EPS15L1: variants seen among roughly 807,000 people sequenced by gnomAD.
EPS15L1 encodes epidermal growth factor receptor substrate 15-like 1.
Under a neutral mutation model 117.1 loss-of-function variants are expected in EPS15L1, and 43 were observed. The ratio of observed to expected loss-of-function variants is 0.37; its 90% CI spans 0.29 to 0.47. The LOEUF (loss-of-function observed/expected upper bound fraction) is 0.47, where lower values mean the gene tolerates loss of function less well. Ranked by LOEUF, EPS15L1 falls within the 20% of genes least tolerant of loss-of-function variation. EPS15L1 has a pLI of 0.99. For synonymous variants in EPS15L1, 459 were observed against 470.5 expected (o/e 0.98, Z 0.32); for missense variants, 981 against 1,164.0 (o/e 0.84, Z 2.29).
At chr19:16,430,722 T>C (rs1270826939) in intron 7 of EPS15L1, among the ~76,000 whole-genome samples, 1 of 152,220 alleles carries the variant, frequency 6.6e-6, no homozygotes, top group South Asian at 2.1e-4. Context: ...AGATGCACGA[T>C]GTGTGAGTGC....
chr19:16,425,824 A>T (rs886430269), intron 8 of EPS15L1, among the ~76,000 whole-genome samples: 3 of 152,104 alleles, frequency 2.0e-5, no homozygotes, highest in African/African-American at 7.2e-5. Flanking sequence ...AAACAAAACA[A>T]AACAAAAAAC....
chr19:16,362,905 G>A, intron 22 of EPS15L1, among the ~76,000 whole-genome samples: 1 of 152,148 alleles, frequency 6.6e-6, no homozygotes, highest in Non-Finnish European at 1.5e-5. Flanking sequence ...TGCCAAGCAG[G>A]GAACTCCAGG....
chr19:16,388,096 G>A (rs777489974), intron 19 of EPS15L1, among the ~76,000 whole-genome samples: 7 of 152,148 alleles, frequency 4.6e-5, no homozygotes, highest in Non-Finnish European at 7.3e-5. Flanking sequence ...AGGCTGGAGC[G>A]CAGTGGTGCA....
intron 21 of EPS15L1, 74 bp from the exon 22 acceptor site, chr19:16,377,328 G>A (rs1350350752): frequency 5.8e-6 from 9 of 1,559,232 alleles, no homozygotes; most frequent in African/African-American, 5.5e-5. Context: ...CTGAACAGAC[G>A]CTCATGCTCC....
rs565136849 is a variant in EPS15L1 at position 16,413,670 on chromosome 19, C to A, written c.1266+103G>T. 3 of 961,288 alleles carry A rather than the reference C, an allele frequency of 3.1e-6. No homozygotes were observed. The African/African-American group carries it at 5.0e-5, about 16-fold the overall frequency. The allele number at this position is 961,288 out of a possible 1,614,324, so 59.5% of individuals were successfully genotyped here. On this transcript the variant is annotated intron_variant, in intron 13 of 23. Transcript: ENST00000455140. ...GCCCCCAAGAGCTCATGTTTCCATCCAGGGCAGACCCCTGCCCTTCCCCAC... is the reference window on the plus strand; with the variant it reads ...GCCCCCAAGAGCTCATGTTTCCATCAAGGGCAGACCCCTGCCCTTCCCCAC...
Position 16,458,135 on chromosome 19 carries a change from G to A in EPS15L1, c.33+13778C>T, listed in dbSNP as rs1480996460. Among the ~76,000 whole-genome samples, 8 of 152,248 alleles carry A rather than the reference G, an allele frequency of 5.3e-5. No individual in the cohort carries two copies. The East Asian group carries it at 1.4e-3, about 26-fold the overall frequency. On this transcript the variant is annotated intron_variant, in intron 1 of 23. Transcript: ENST00000455140. The stretch of plus-strand genomic sequence containing the variant: ...GTCGGGGTGTTCCTGACAGTGGGGG[G>A]TGGCTCCCTGCCAAGGACGCCAAGA...
chr19:16,418,241 C>G, intron 10 of EPS15L1, 137 bp from the exon 11 acceptor site: 1 of 911,144 alleles, frequency 1.1e-6, no homozygotes, highest in South Asian at 1.7e-5. Flanking sequence ...CCAGCTCCTT[C>G]CCTACTTCAC....
chr19:16,465,673 G>C (rs1194367160), intron 1 of EPS15L1, among the ~76,000 whole-genome samples: 1 of 152,092 alleles, frequency 6.6e-6, no homozygotes, highest in Non-Finnish European at 1.5e-5. Context: ...TAGAGCAAGA[G>C]CCTGTCTCTA....
At chr19:16,378,577 A>G (rs1030710815) in intron 21 of EPS15L1, among the ~76,000 whole-genome samples, 6 of 151,998 alleles carry the variant, frequency 3.9e-5, no homozygotes, top group Non-Finnish European at 5.9e-5. Flanking sequence ...ACACGCTTCC[A>G]GGCCTCTCCC....
At chr19:16,441,852 G>A (rs750730688) in intron 3 of EPS15L1, 40 bp downstream of exon 3, 2 of 1,527,532 alleles carry the variant, frequency 1.3e-6, no homozygotes, top group Non-Finnish European at 1.8e-6. Context: ...GAGCTGTGAG[G>A]GCAGCCACAG....
chr19:16,366,553 G>C (rs990389561), intron 22 of EPS15L1, among the ~76,000 whole-genome samples: 3 of 152,124 alleles, frequency 2.0e-5, no homozygotes, highest in Non-Finnish European at 4.4e-5. Flanking sequence ...CTCTGTTGCC[G>C]AAACCGTTGT....
At chr19:16,367,484 C>T (rs2092149276) in intron 22 of EPS15L1, among the ~76,000 whole-genome samples, 1 of 115,330 alleles carries the variant, frequency 8.7e-6, no homozygotes, top group Non-Finnish European at 1.7e-5. Context: ...TGGTTTACCA[C>T]AGTATGTGCT....
At chr19:16,417,785 A>G in intron 11 of EPS15L1, 148 bp from the exon 12 acceptor site, 1 of 1,187,808 alleles carries the variant, frequency 8.4e-7, no homozygotes, top group East Asian at 2.5e-5. Context: ...GCCTGGGGAA[A>G]TACCTGGGCA....
chr19:16,409,014 G>A (rs1227744568), intron 13 of EPS15L1, among the ~76,000 whole-genome samples: 1 of 152,108 alleles, frequency 6.6e-6, no homozygotes, highest in Non-Finnish European at 1.5e-5. Flanking sequence ...TAGAGGCCAG[G>A]TGTTTGAGAT....
At chr19:16,455,336 G>C (rs2093184849) in intron 1 of EPS15L1, among the ~76,000 whole-genome samples, 1 of 151,936 alleles carries the variant, frequency 6.6e-6, no homozygotes, top group Non-Finnish European at 1.5e-5. Context: ...TATTTTGCCA[G>C]GCTGGTCTTG....
In EPS15L1 at chr19:16,413,793, G is replaced by C; in HGVS notation, c.1246C>G (p.Gln416Glu). The C allele has an allele frequency of 6.2e-7, 1 of 1,613,854 alleles. No individual in the cohort carries two copies. Among genetic ancestry groups the C allele is most frequent in the Non-Finnish European group, 8.5e-7 (1 of 1,179,776 alleles). Residue 416 changes from glutamine to glutamate, a missense_variant, in exon 13 of 24, where the codon CAG becomes GAG. Coordinates refer to ENST00000455140, the MANE Select transcript of EPS15L1 (RefSeq NM_001258374.3). ...DIREKEEAIR[Q>E]KTSEVQELQN... ...CTTACCTGCACCTCGCTGGTTTTCT[G>C]TCTGATTGCCTCTTCCTTTTCTCGA...
chr19:16,438,317 C>T (rs1167929082), intron 4 of EPS15L1, among the ~76,000 whole-genome samples: 2 of 152,076 alleles, frequency 1.3e-5, no homozygotes, highest in African/African-American at 4.8e-5. Context: ...CATGCCACTT[C>T]ACTCCAGGCT....
chr19:16,365,215 C>T lies in EPS15L1; in HGVS notation c.2381-3231G>A, dbSNP rs1424797040. Among the ~76,000 whole-genome samples, 2 of 152,228 alleles carry T rather than the reference C, an allele frequency of 1.3e-5. No individual in the cohort carries two copies. Among genetic ancestry groups the T allele is most frequent in the Non-Finnish European group, 2.9e-5 (2 of 68,036 alleles). On this transcript the variant is annotated intron_variant, in intron 22 of 23. Transcript: ENST00000455140. The surrounding 1 kb of genome is among the most constrained non-coding windows in gnomAD (Gnocchi z 4.9). ...AGACGGTGTGGGGCATGGCGGCCAC[C>T]CCCCTCAGCCTGTTTCTTAATCCAA...
chr19:16,366,145 G>A (rs989517443), intron 22 of EPS15L1, among the ~76,000 whole-genome samples: 3 of 152,180 alleles, frequency 2.0e-5, no homozygotes, highest in African/African-American at 7.2e-5. Flanking sequence ...CAAAGTCCCA[G>A]GACACGGTGT....
Sources: allele counts gnomAD v4.1 joint callset (sites outside exome capture counted in the v4.1 genomes callset), GRCh38; gene constraint gnomAD v4.1.1; non-coding constraint Gnocchi (gnomAD v3.1); transcripts MANE v1.5; gene names NCBI Gene and HGNC (gene_info 2026-07-23, HGNC 2026-07-21).